The following PDE7B variants were observed in gnomAD, a reference collection of about 807,000 sequenced individuals.
The protein encoded by PDE7B is phosphodiesterase 7B.
A neutral mutation model predicts 56.2 loss-of-function variants in PDE7B; 29 were observed. That is an observed-to-expected ratio of 0.52 (90% CI 0.38 to 0.70). The LOEUF is 0.70. Among genes scored for constraint, PDE7B ranks in the 30% least tolerant of loss-of-function variants. The pLI is 0.00. For synonymous variants in PDE7B, 197 were observed against 196.9 expected (o/e 1.00, Z 0.00); for missense variants, 490 against 565.0 (o/e 0.87, Z 1.35).
chr6:135,911,747 G>A (rs973082101), intron 1 of PDE7B, among the ~76,000 whole-genome samples: 8 of 152,168 alleles, frequency 5.3e-5, no homozygotes, highest in Non-Finnish European at 7.3e-5. Flanking sequence ...GTCTCTTGTA[G>A]ATTTTGAGCT....
intron 3 of PDE7B, among the ~76,000 whole-genome samples, chr6:136,120,511 G>A (rs192108565): frequency 3.9e-4 from 59 of 152,272 alleles, no homozygotes; most frequent in African/African-American, 1.2e-3. Context: ...GGGATGACTG[G>A]CCTGAGAAAA....
intron 2 of PDE7B, among the ~76,000 whole-genome samples, chr6:135,979,392 A>G (rs1307048890): frequency 1.3e-5 from 2 of 151,766 alleles, no homozygotes; most frequent in Non-Finnish European, 2.9e-5. Context: ...CTGGCCTCAT[A>G]AAATGAGTTA....
intron 3 of PDE7B, among the ~76,000 whole-genome samples, chr6:136,120,558 A>G (rs1386983279): frequency 2.0e-5 from 3 of 152,182 alleles, no homozygotes. Context: ...GGAAGAAGGA[A>G]AGAAGGGATG....
chr6:136,050,394 A>G (rs1776602823), intron 2 of PDE7B, among the ~76,000 whole-genome samples: 1 of 145,630 alleles, frequency 6.9e-6, no homozygotes, highest in Non-Finnish European at 1.5e-5. Context: ...CTAAAGAGAT[A>G]GACGTTCACC....
intron 1 of PDE7B, among the ~76,000 whole-genome samples, chr6:135,927,560 T>C (rs946441227): frequency 2.6e-5 from 4 of 152,212 alleles, no homozygotes; most frequent in Non-Finnish European, 4.4e-5. Context: ...CTCTGATTTC[T>C]TTCGGAAGCA....
At chr6:136,074,568 C>T (rs1777101167) in intron 2 of PDE7B, among the ~76,000 whole-genome samples, 1 of 152,070 alleles carries the variant, frequency 6.6e-6, no homozygotes, top group South Asian at 2.1e-4. Context: ...ATTAACCATT[C>T]CTCCTTCCCA....
chr6:136,120,116 T>C (rs1777905971), intron 3 of PDE7B, among the ~76,000 whole-genome samples: 1 of 152,202 alleles, frequency 6.6e-6, no homozygotes, highest in Non-Finnish European at 1.5e-5. Context: ...GTATCAATTA[T>C]TTTATTATTA....
chr6:135,985,967 C>G (rs994878297), intron 2 of PDE7B, among the ~76,000 whole-genome samples: 2 of 152,106 alleles, frequency 1.3e-5, no homozygotes, highest in Admixed American at 6.5e-5. Flanking sequence ...GCTCCCAGCC[C>G]GCTGCTAATA....
intron 2 of PDE7B, among the ~76,000 whole-genome samples, chr6:136,015,377 C>A (rs946126534): frequency 6.6e-6 from 1 of 152,118 alleles, no homozygotes. Flanking sequence ...CCAGATGGAG[C>A]CATTTTCTGA....
intron 2 of PDE7B, chr6:136,098,171 C>T (rs1171405374): frequency 7.4e-6 from 1 of 134,784 alleles, no homozygotes; most frequent in Non-Finnish European, 1.5e-5. Flanking sequence ...TATATACACA[C>T]ACACACATAT....
intron 1 of PDE7B, among the ~76,000 whole-genome samples, chr6:135,872,028 A>G (rs938240464): frequency 2.6e-5 from 4 of 152,242 alleles, no homozygotes; most frequent in Admixed American, 1.3e-4. Context: ...GAGAAATTTT[A>G]TTCATAACAT....
chr6:136,060,446 A>G (rs1776818589), intron 2 of PDE7B, among the ~76,000 whole-genome samples: 1 of 152,230 alleles, frequency 6.6e-6, no homozygotes, highest in South Asian at 2.1e-4. Context: ...ACCTAAAATC[A>G]TTTTATTAGC....
intron 2 of PDE7B, among the ~76,000 whole-genome samples, chr6:135,962,618 A>C (rs1774921639): frequency 1.3e-5 from 2 of 152,096 alleles, no homozygotes; most frequent in South Asian, 4.1e-4. Context: ...GTTTGTTTGC[A>C]TTACTAAAAC....
chr6:135,983,599 A>G (rs932791378), intron 2 of PDE7B, among the ~76,000 whole-genome samples: 6 of 152,216 alleles, frequency 3.9e-5, no homozygotes, highest in African/African-American at 1.4e-4. Flanking sequence ...TAAGTTGGTT[A>G]TAGCACTAAA....
intron 2 of PDE7B, among the ~76,000 whole-genome samples, chr6:135,953,151 CAGT>C (rs1452517396): frequency 6.6e-6 from 1 of 152,008 alleles, no homozygotes; most frequent in Non-Finnish European, 1.5e-5. Flanking sequence ...TCATCTGTGA[CAGT>C]AGAGAAAAAT....
chr6:136,011,549 G>A (rs1449968329), intron 2 of PDE7B, among the ~76,000 whole-genome samples: 1 of 152,124 alleles, frequency 6.6e-6, no homozygotes, highest in Non-Finnish European at 1.5e-5. Flanking sequence ...CAATATACTT[G>A]TGTCCAAATG....
chr6:135,971,015 G>C (rs76558110), intron 2 of PDE7B, among the ~76,000 whole-genome samples: 2 of 152,104 alleles, frequency 1.3e-5, no homozygotes, highest in Admixed American at 1.3e-4. Context: ...GCAGGTGGGG[G>C]TATGGATTGA....
chr6:136,109,668 C>T (rs755185988), intron 3 of PDE7B, among the ~76,000 whole-genome samples: 4 of 152,190 alleles, frequency 2.6e-5, no homozygotes, highest in Non-Finnish European at 4.4e-5. Flanking sequence ...CCCTAAACTG[C>T]TCCTCATCAG....
chr6:135,923,655 T>C (rs1032611868), intron 1 of PDE7B, among the ~76,000 whole-genome samples: 3 of 152,144 alleles, frequency 2.0e-5, no homozygotes, highest in Admixed American at 2.0e-4. Flanking sequence ...CATATAGTGG[T>C]CTTACCACAC....
Sources: allele counts gnomAD v4.1 joint callset (sites outside exome capture counted in the v4.1 genomes callset), GRCh38; gene constraint gnomAD v4.1.1; transcripts MANE v1.5; gene names NCBI Gene and HGNC (gene_info 2026-07-23, HGNC 2026-07-21).